The following SGSM2 variants were observed in gnomAD, a reference collection of about 807,000 sequenced individuals.
The protein encoded by SGSM2 is small G protein signaling modulator 2, also known as RUN and TBC1 domain containing 1.
Under a neutral mutation model 126.6 loss-of-function variants are expected in SGSM2, and 89 were observed. The observed-to-expected ratio is 0.70, with a 90% CI of 0.59 to 0.84. SGSM2 has a LOEUF of 0.84. SGSM2 is among the 40% of genes least tolerant of loss of function. The pLI is 0.00. For missense variants in SGSM2, 1,404 were observed against 1,416.6 expected (o/e 0.99, Z 0.14); for synonymous variants, 614 against 574.3 (o/e 1.07, Z -0.99).
intron 11 of SGSM2, among the ~76,000 whole-genome samples, chr17:2,366,346 T>A (rs982561839): frequency 6.6e-6 from 1 of 152,180 alleles, no homozygotes; most frequent in Non-Finnish European, 1.5e-5. Context: ...CTGGGCAGAC[T>A]TGCTTTTCTT....
chr17:2,373,752 T>C (rs1464026473), intron 17 of SGSM2: 16 of 508,014 alleles, frequency 3.1e-5, no homozygotes, highest in South Asian at 9.4e-5. Flanking sequence ...TAGCCAACTA[T>C]AGGGAAAGAT....
In SGSM2 at chr17:2,372,553, AG is replaced by A. The variant is rs2065924068; in HGVS notation, c.1788+68del. ...TGGGGCGGGCAGGAGTGAGGGCTTC[AG>A]GGTAAAATGTGCCAGTGGGTGCGGT... is the stretch of plus-strand genomic sequence containing the variant. On this transcript the variant is annotated intron_variant, in intron 15 of 23. Coordinates refer to ENST00000268989, the MANE Select transcript of SGSM2 (RefSeq NM_014853.3). The surrounding 1 kb of genome is among the most constrained non-coding windows in gnomAD (Gnocchi z 6.0). 1 of 1,566,724 alleles carries A rather than the reference AG, an allele frequency of 6.4e-7. No individual in the cohort carries two copies.
In SGSM2 at chr17:2,362,453, C is replaced by CTCCGTT. The variant is rs2065358871; in HGVS notation, c.458+183_458+184insTCCGTT. 6.7e-6 allele frequency among the ~76,000 whole-genome samples: 1 copy of CTCCGTT among 149,384 alleles called. No homozygotes were observed. The highest frequency in any genetic ancestry group is 2.0e-4 in the East Asian group (1 of 5,038). On this transcript the variant is annotated intron_variant, in intron 4 of 23. Coordinates refer to ENST00000268989, the MANE Select transcript of SGSM2 (RefSeq NM_014853.3). The surrounding 1 kb of genome is among the most constrained non-coding windows in gnomAD (Gnocchi z 4.9). The stretch of plus-strand genomic sequence containing the variant: ...CGTTCCCAAAAACTGCAGGTGACCG[C>CTCCGTT]CCCGTTCCCCAAAAACTGCAGGTGA...
intron 1 of SGSM2, 33 bp from the exon 2 acceptor site, chr17:2,343,512 A>G: frequency 1.2e-6 from 2 of 1,610,242 alleles, no homozygotes; most frequent in East Asian, 2.2e-5. Flanking sequence ...AGGGAAAATA[A>G]TAAAAGCAGT....
In SGSM2 at chr17:2,372,318, T is replaced by TGCTGCCCACC. The variant is rs753860491; in HGVS notation, c.1643-12_1643-3dup. The TGCTGCCCACC allele has an allele frequency of 1.7e-5, 27 of 1,608,350 alleles. No homozygotes were observed. The highest frequency in any genetic ancestry group is 1.7e-4 in the Middle Eastern group (1 of 5,922). On this transcript the variant is annotated intron_variant, in intron 14 of 23. Coordinates refer to ENST00000268989, the MANE Select transcript of SGSM2 (RefSeq NM_014853.3). This position sits in a 1 kb window ranked among gnomAD's most constrained non-coding sequence, Gnocchi z 6.0. ...CGGGCGGCCCTGGGTCCCAGCCTCC[T>TGCTGCCCACC]GCTGCCCACCGCTGCCCACCGCAGG...
rs773689057 is a variant in SGSM2 at position 2,377,969 on chromosome 17, G to A, written c.2899+16G>A. On this transcript the variant is annotated intron_variant, in intron 22 of 23. Coordinates refer to ENST00000268989, the MANE Select transcript of SGSM2 (RefSeq NM_014853.3). Reference sequence around the variant, plus strand: ...TTTAAGAGAGGTAAGAAGTGGGTTGGATCATGGGGCTGAGGTCAGGGACAG... The same window carrying A: ...TTTAAGAGAGGTAAGAAGTGGGTTGAATCATGGGGCTGAGGTCAGGGACAG... 3 of 1,519,698 alleles carry A rather than the reference G, an allele frequency of 2.0e-6. No homozygotes were observed. Among genetic ancestry groups the A allele is most frequent in the African/African-American group, 1.4e-5 (1 of 73,044 alleles). The allele number at this position is 1,519,698 out of a possible 1,614,324, so 94.1% of individuals were successfully genotyped here.
chr17:2,361,742 C>T lies in SGSM2; in HGVS notation c.239C>T (p.Pro80Leu), dbSNP rs372911434. 20 of 1,613,698 alleles carry T rather than the reference C, an allele frequency of 1.2e-5. No individual in the cohort carries two copies. The highest frequency in any genetic ancestry group is 1.6e-5 in the Non-Finnish European group (19 of 1,179,992). The change falls in exon 3 of 24, where the codon CCA becomes CTA. Residue 80 changes from proline (P) to leucine (L), a missense_variant. Pro to Leu is a moderately conservative substitution (Grantham distance 98). Transcript: ENST00000268989. ...TTCACCAAGGTGGGGAAGACGTGCCCAGTGGCGGGGGAGATTTGCCACAAG... is the reference window on the plus strand; with the variant it reads ...TTCACCAAGGTGGGGAAGACGTGCCTAGTGGCGGGGGAGATTTGCCACAAG... The part of the protein sequence containing the change: ...ALFTKVGKTC[P>L]VAGEICHKVQ...
Position 2,343,628 on chromosome 17 carries a change from A to G in SGSM2, c.133+8A>G. The G allele has an allele frequency of 1.2e-6, 2 of 1,613,528 alleles. No homozygotes were observed. Among genetic ancestry groups the G allele is most frequent in the Non-Finnish European group, 1.7e-6 (2 of 1,179,518 alleles). On this transcript the variant is annotated splice_region_variant and intron_variant, in intron 2 of 23. Coordinates refer to ENST00000268989, the MANE Select transcript of SGSM2 (RefSeq NM_014853.3). ...ACATCATTGCTTTATGTGGTGAGTG[A>G]GTGACTGAAGGATGATGGGAGGTCG...
At position 2,379,962 on chromosome 17, in the gene SGSM2, T is replaced by C; in HGVS notation, c.*442T>C. On this transcript the variant is annotated 3_prime_UTR_variant, in exon 24 of 24. Coordinates refer to ENST00000268989, the MANE Select transcript of SGSM2 (RefSeq NM_014853.3). ...GTCCCTTCTGAGGGTCCCTTTGCAGTCCCAGTATATTGTGCGTGCACCAGC... is the reference window on the plus strand; with the variant it reads ...GTCCCTTCTGAGGGTCCCTTTGCAGCCCCAGTATATTGTGCGTGCACCAGC... 1 of 1,346,110 alleles carries C rather than the reference T, an allele frequency of 7.4e-7. No individual in the cohort carries two copies. The highest frequency in any genetic ancestry group is 2.9e-5 in the East Asian group (1 of 34,862). The allele number at this position is 1,346,110 out of a possible 1,614,324, so 83.4% of individuals were successfully genotyped here.
chr17:2,372,539 GGAGT>G lies in SGSM2; in HGVS notation c.1788+55_1788+58del. 6.3e-7 allele frequency: 1 copy of G among 1,580,520 alleles called. No individual in the cohort carries two copies. Among genetic ancestry groups the G allele is most frequent in the South Asian group, 1.2e-5 (1 of 86,478 alleles). Reference sequence around the variant, plus strand: ...ACAGGTCGAGGGGCTGGGGCGGGCAGGAGTGAGGGCTTCAGGGTAAAATGTGCCA... The same window carrying G: ...ACAGGTCGAGGGGCTGGGGCGGGCAGGAGGGCTTCAGGGTAAAATGTGCCA... On this transcript the variant is annotated intron_variant, in intron 15 of 23. Transcript: ENST00000268989. The surrounding 1 kb of genome is among the most constrained non-coding windows in gnomAD (Gnocchi z 6.0).
chr17:2,354,199 A>C (rs954749104), intron 2 of SGSM2, among the ~76,000 whole-genome samples: 1 of 90,060 alleles, frequency 1.1e-5, no homozygotes, highest in South Asian at 4.1e-4. Flanking sequence ...GAGCCACTGC[A>C]CCTGACCTAG....
rs2065402957 is a variant in SGSM2, at chr17:2,363,274, A to G, written c.672+140A>G. On this transcript the variant is annotated intron_variant, in intron 6 of 23. Transcript: ENST00000268989. This position sits in a 1 kb window ranked among gnomAD's most constrained non-coding sequence, Gnocchi z 4.2. ...TGCCTCAGAAGAGCCTTCTCCGCAC[A>G]ATAAAACTTAACACAAATGCCGGGA... 1.5e-6 allele frequency: 2 copies of G among 1,339,026 alleles called. No individual in the cohort carries two copies. The highest frequency in any genetic ancestry group is 2.6e-4 in the Middle Eastern group (1 of 3,840). 82.9% of individuals were successfully genotyped at this position (1,339,026 alleles called of 1,614,324 possible). A position where few individuals can be genotyped will look rare whatever the true frequency, so the allele number is the denominator to read the frequency against.
chr17:2,343,666 G>A (rs779006650), intron 2 of SGSM2, 46 bp downstream of exon 2: 4 of 1,565,438 alleles, frequency 2.6e-6, no homozygotes, highest in Non-Finnish European at 3.5e-6. Flanking sequence ...CTAGAGCCGA[G>A]GACACTGGCC....
At chr17:2,365,107 GC>G in intron 10 of SGSM2, 50 bp downstream of exon 10, 1 of 1,600,330 alleles carries the variant, frequency 6.2e-7, no homozygotes, top group Non-Finnish European at 8.5e-7. Flanking sequence ...GGGGTTCTCT[GC>G]CCGCCTCCCT....
chr17:2,353,286 G>A (rs1265635619), intron 2 of SGSM2, among the ~76,000 whole-genome samples: 1 of 152,100 alleles, frequency 6.6e-6, no homozygotes, highest in East Asian at 1.9e-4. Flanking sequence ...GAGGTGAAAC[G>A]AGATGCCCAC....
chr17:2,354,755 C>T (rs973100961), intron 2 of SGSM2, among the ~76,000 whole-genome samples: 1 of 152,252 alleles, frequency 6.6e-6, no homozygotes, highest in Non-Finnish European at 1.5e-5. Context: ...CAGCAGCTCC[C>T]CACGTCCCTT....
intron 12 of SGSM2, among the ~76,000 whole-genome samples, chr17:2,368,969 C>T (rs943136305): frequency 7.2e-5 from 11 of 152,162 alleles, no homozygotes; most frequent in Non-Finnish European, 1.5e-4. Flanking sequence ...CTGAGGCCTC[C>T]GGGATCAGAG....
intron 2 of SGSM2, among the ~76,000 whole-genome samples, chr17:2,348,844 C>G (rs769744085): frequency 1.3e-5 from 2 of 152,128 alleles, no homozygotes; most frequent in African/African-American, 2.4e-5. Context: ...CTCACTCAGC[C>G]TCGACCTTCT....
intron 2 of SGSM2, among the ~76,000 whole-genome samples, chr17:2,353,886 G>A (rs2064979804): frequency 1.3e-5 from 2 of 152,092 alleles, no homozygotes; most frequent in Non-Finnish European, 2.9e-5. Flanking sequence ...TCCTTCTAGA[G>A]GTTTTCTTAT....
Sources: allele counts gnomAD v4.1 joint callset (sites outside exome capture counted in the v4.1 genomes callset), GRCh38; gene constraint gnomAD v4.1.1; non-coding constraint Gnocchi (gnomAD v3.1); transcripts MANE v1.5; gene names NCBI Gene and HGNC (gene_info 2026-07-23, HGNC 2026-07-21).